HCN1: variants seen among roughly 807,000 people sequenced by gnomAD.
HCN1 encodes the protein hyperpolarization activated cyclic nucleotide gated potassium channel 1, also known as potassium/sodium hyperpolarization-activated cyclic nucleotide-gated channel 1.
Under a neutral mutation model 78.9 loss-of-function variants are expected in HCN1, and 13 were observed. The observed-to-expected ratio is 0.16, with a 90% confidence interval of 0.11 to 0.26. The LOEUF is 0.26. Ranked by LOEUF, HCN1 falls within the 10% of genes least tolerant of loss-of-function variation. The pLI, the probability that HCN1 is intolerant of heterozygous loss-of-function variation, is 1.00. For synonymous variants in HCN1, 552 were observed against 455.5 expected (o/e 1.21, Z -2.70); for missense variants, 810 against 1,154.3 (o/e 0.70, Z 4.32).
chr5:45,372,140 A>AT (rs372774682), intron 4 of HCN1, among the ~76,000 whole-genome samples: 7,996 of 51,924 alleles, frequency 0.15, 1,158 homozygotes, highest in African/African-American at 0.38. Context: ...ATAATATAAT[A>AT]ATATATTATA....
rs201372925 is a variant in HCN1 at position 45,297,991 on chromosome 5, A to AC, written c.1618+5607_1618+5608insG. 3.3e-3 allele frequency among the ~76,000 whole-genome samples: 502 copies of AC among 151,962 alleles called. 6 individuals carry two copies. The highest frequency in any genetic ancestry group is 0.011 in the African/African-American group (473 of 41,442). On this transcript the variant is annotated intron_variant, in intron 6 of 7. Coordinates refer to ENST00000303230, the MANE Select transcript of HCN1 (RefSeq NM_021072.4). ...ATATGATTAAGAACATCTGAAAAAA[A>AC]AACTGTTCAATTAGCATCATACTTA...
chr5:45,444,438 ATAT>A (rs1451843828), intron 3 of HCN1, among the ~76,000 whole-genome samples: 5 of 152,158 alleles, frequency 3.3e-5, no homozygotes, highest in African/African-American at 1.2e-4. Flanking sequence ...TTTAATAAAA[ATAT>A]TATTGTTTAG....
Position 45,418,208 on chromosome 5 carries a change from A to G in HCN1, c.1012-21498T>C, listed in dbSNP as rs527301534. On this transcript the variant is annotated intron_variant, in intron 3 of 7. Transcript: ENST00000303230. ...GTCTTGGCATATTTAGAATGATAAAAGAAAAAGTGTTTATAATGTACTCTG... is the reference window on the plus strand; with the variant it reads ...GTCTTGGCATATTTAGAATGATAAAGGAAAAAGTGTTTATAATGTACTCTG... 3.0e-4 allele frequency among the ~76,000 whole-genome samples: 45 copies of G among 152,040 alleles called. No individual in the cohort carries two copies. In the South Asian group the frequency reaches 8.9e-3, roughly 30 times the overall value.
chr5:45,592,865 C>G (rs536350681), intron 2 of HCN1, among the ~76,000 whole-genome samples: 117 of 152,078 alleles, frequency 7.7e-4, no homozygotes, highest in Admixed American at 6.5e-4. Flanking sequence ...GAAAAGTTAT[C>G]TTATTGTTTG....
At chr5:45,330,037 A>G (rs987422136) in intron 5 of HCN1, among the ~76,000 whole-genome samples, 1 of 151,414 alleles carries the variant, frequency 6.6e-6, no homozygotes. Flanking sequence ...TTACGAAAAA[A>G]ATGCACAATA....
chr5:45,656,807 C>A (rs1287165744), intron 1 of HCN1, among the ~76,000 whole-genome samples: 2 of 151,976 alleles, frequency 1.3e-5, no homozygotes, highest in Admixed American at 6.6e-5. Flanking sequence ...AAATGATTTT[C>A]TAAAATAATC....
Position 45,377,062 on chromosome 5 carries a change from T to C in HCN1, c.1230+19430A>G, listed in dbSNP as rs1382177590. Among the ~76,000 whole-genome samples the C allele has an allele frequency of 2.6e-5, 4 of 152,054 alleles. No homozygotes were observed. In the East Asian group the frequency reaches 7.7e-4, roughly 29 times the overall value. ...AAGAAAAGGTTTGACTTAGCTCTAC[T>C]GTACTAGGCAGAACTAGAGAAAATG... is the stretch of plus-strand genomic sequence containing the variant. On this transcript the variant is annotated intron_variant, in intron 4 of 7. Transcript: ENST00000303230.
intron 6 of HCN1, among the ~76,000 whole-genome samples, chr5:45,280,197 C>A (rs572351724): frequency 6.6e-6 from 1 of 152,216 alleles, no homozygotes; most frequent in South Asian, 2.1e-4. Context: ...ATTGATTTAT[C>A]AAGCTGTATA....
intron 3 of HCN1, among the ~76,000 whole-genome samples, chr5:45,433,915 G>A (rs534033844): frequency 3.8e-4 from 58 of 152,324 alleles, no homozygotes; most frequent in Non-Finnish European, 7.8e-4. Flanking sequence ...ATCACATGGT[G>A]TGGGAGGATA....
intron 3 of HCN1, among the ~76,000 whole-genome samples, chr5:45,450,903 C>CA (rs1740902411): frequency 6.6e-6 from 1 of 152,148 alleles, no homozygotes; most frequent in Admixed American, 6.5e-5. Flanking sequence ...GTCTCAATGG[C>CA]AAAAAACAGC....
chr5:45,695,885 C>T lies in HCN1; in HGVS notation c.209G>A (p.Gly70Asp), dbSNP rs1269949873. Residue 70 changes from glycine to aspartate, a missense_variant, in exon 1 of 8, where the codon GGC becomes GAC. By Grantham distance (94) the Gly-to-Asp change is moderately conservative (BLOSUM62 -1). Transcript: ENST00000303230. ...KVDGGGGGGGGGGGGEEPAGG... is the reference protein window; with the variant it reads ...KVDGGGGGGGDGGGGEEPAGG... ...CGCCGGCTCCTCGCCGCCGCCGCCG[C>T]CGCCGCCACCGCCGCCACCGCCGTC... is the stretch of plus-strand genomic sequence containing the variant. 6.9e-7 allele frequency: 1 copy of T among 1,452,752 alleles called. No individual in the cohort carries two copies. 90.0% of individuals were successfully genotyped at this position (1,452,752 alleles called of 1,614,324 possible).
intron 2 of HCN1, among the ~76,000 whole-genome samples, chr5:45,616,855 A>G (rs1221673749): frequency 6.6e-6 from 1 of 152,014 alleles, no homozygotes; most frequent in Non-Finnish European, 1.5e-5. Flanking sequence ...TAAACATACA[A>G]CCATGCTTCC....
At chr5:45,273,904 G>A (rs1745005148) in intron 6 of HCN1, among the ~76,000 whole-genome samples, 1 of 152,006 alleles carries the variant, frequency 6.6e-6, no homozygotes, top group Non-Finnish European at 1.5e-5. Flanking sequence ...AAATCATTTT[G>A]CGTATCATGT....
chr5:45,683,530 GTC>G (rs1356303599), intron 1 of HCN1, among the ~76,000 whole-genome samples: 5 of 152,050 alleles, frequency 3.3e-5, no homozygotes, highest in African/African-American at 1.2e-4. Flanking sequence ...TCCAGAACAA[GTC>G]TCTCTTCAAT....
Position 45,683,632 on chromosome 5 carries a change from A to AATAT in HCN1, c.425+12033_425+12036dup, listed in dbSNP as rs143978853. 5.3e-5 allele frequency among the ~76,000 whole-genome samples: 8 copies of AATAT among 149,894 alleles called. 1 individual carries two copies. The East Asian group carries it at 1.4e-3, about 26-fold the overall frequency. ...CAAGGAAACTCCTTCTAGCCAGTTAAATATATATATATATACACACACACA... is the reference window on the plus strand; with the variant it reads ...CAAGGAAACTCCTTCTAGCCAGTTAAATATATATATATATATATACACACACACA... On this transcript the variant is annotated intron_variant, in intron 1 of 7. Coordinates refer to ENST00000303230, the MANE Select transcript of HCN1 (RefSeq NM_021072.4).
intron 2 of HCN1, among the ~76,000 whole-genome samples, chr5:45,602,225 G>C (rs538703409): frequency 5.7e-4 from 86 of 152,158 alleles, no homozygotes; most frequent in African/African-American, 1.9e-3. Context: ...TGCTTCCCCA[G>C]TACATCAGAA....
At chr5:45,410,814 T>A (rs893066735) in intron 3 of HCN1, among the ~76,000 whole-genome samples, 1 of 152,090 alleles carries the variant, frequency 6.6e-6, no homozygotes, top group Non-Finnish European at 1.5e-5. Flanking sequence ...TAAATTCTTA[T>A]CCTATGTTGT....
intron 5 of HCN1, among the ~76,000 whole-genome samples, chr5:45,338,688 G>C (rs1426368334): frequency 6.6e-6 from 1 of 152,096 alleles, no homozygotes; most frequent in Non-Finnish European, 1.5e-5. Context: ...CACAGCTTTT[G>C]AAAGGTGAAT....
rs987317091 is a variant in HCN1, at chr5:45,258,215, T to C, written c.*3706A>G. 9.9e-5 allele frequency: 15 copies of C among 152,204 alleles called. No individual in the cohort carries two copies. The highest frequency in any genetic ancestry group is 3.6e-4 in the African/African-American group (15 of 41,556). The allele number at this position is 152,204 out of a possible 1,614,324, so 9.4% of individuals were successfully genotyped here. ...TTTTTTAAATAGTCCTGAAAGATAATAGAGATTGCTCATAATTTGAAGTAG... is the reference window on the plus strand; with the variant it reads ...TTTTTTAAATAGTCCTGAAAGATAACAGAGATTGCTCATAATTTGAAGTAG... On this transcript the variant is annotated 3_prime_UTR_variant, in exon 8 of 8. Transcript: ENST00000303230.
Sources: allele counts gnomAD v4.1 joint callset (sites outside exome capture counted in the v4.1 genomes callset), GRCh38; gene constraint gnomAD v4.1.1; transcripts MANE v1.5; gene names NCBI Gene and HGNC (gene_info 2026-07-23, HGNC 2026-07-21).